Variants in CERT1 observed in about 807,000 individuals in gnomAD.
CERT1 encodes the protein ceramide transfer protein.
A neutral mutation model predicts 87.9 loss-of-function variants in CERT1; 31 were observed. The ratio of observed to expected loss-of-function variants is 0.35; its 90% confidence interval spans 0.27 to 0.48. The LOEUF is 0.48. Among genes scored for constraint, CERT1 ranks in the 20% least tolerant of loss-of-function variants. The pLI is 0.99. For missense variants in CERT1, 487 were observed against 758.0 expected (o/e 0.64, Z 4.20); for synonymous variants, 289 against 250.9 (o/e 1.15, Z -1.44).
intron 2 of CERT1, among the ~76,000 whole-genome samples, chr5:75,478,349 A>G (rs1766070602): frequency 6.6e-6 from 1 of 152,000 alleles, no homozygotes; most frequent in Non-Finnish European, 1.5e-5. Flanking sequence ...GAAAAGAGGA[A>G]AAAACACAAC....
At chr5:75,458,994 T>A (rs1765117312) in intron 3 of CERT1, 71 bp downstream of exon 3, 1 of 750,754 alleles carries the variant, frequency 1.3e-6, no homozygotes, top group African/African-American at 1.8e-5. Flanking sequence ...ACATGTCAAC[T>A]TTTTTTTTAA....
At chr5:75,433,102 T>C (rs1264122451) in intron 3 of CERT1, among the ~76,000 whole-genome samples, 3 of 152,226 alleles carry the variant, frequency 2.0e-5, no homozygotes, top group African/African-American at 7.2e-5. Context: ...ACTGTAGCAT[T>C]GTAATACAGT....
At chr5:75,479,122 T>C (rs1442268084) in intron 2 of CERT1, among the ~76,000 whole-genome samples, 1 of 152,054 alleles carries the variant, frequency 6.6e-6, no homozygotes, top group Non-Finnish European at 1.5e-5. Context: ...AGACTGTGTT[T>C]TGTTGAGTTT....
intron 7 of CERT1, among the ~76,000 whole-genome samples, chr5:75,415,885 C>T (rs537245118): frequency 6.6e-6 from 1 of 152,010 alleles, no homozygotes; most frequent in East Asian, 1.9e-4. Flanking sequence ...ATTTTCTATA[C>T]CTTAAAAGGA....
chr5:75,460,419 G>C (rs768933709), intron 2 of CERT1, among the ~76,000 whole-genome samples: 1 of 152,072 alleles, frequency 6.6e-6, no homozygotes, highest in Non-Finnish European at 1.5e-5. Context: ...AGAAAACTCC[G>C]CATTAAGGTG....
intron 2 of CERT1, among the ~76,000 whole-genome samples, chr5:75,469,907 A>T (rs1173848217): frequency 6.6e-6 from 1 of 152,184 alleles, no homozygotes; most frequent in Non-Finnish European, 1.5e-5. Flanking sequence ...ACCAAAAGAC[A>T]GTAGGAATAG....
chr5:75,474,787 A>G (rs1765883029), intron 2 of CERT1, among the ~76,000 whole-genome samples: 1 of 152,162 alleles, frequency 6.6e-6, no homozygotes. Flanking sequence ...AAACTAGTAG[A>G]AGAAAGCTCC....
At chr5:75,509,561 A>T (rs1273280386) in intron 1 of CERT1, among the ~76,000 whole-genome samples, 1 of 152,118 alleles carries the variant, frequency 6.6e-6, no homozygotes, top group Non-Finnish European at 1.5e-5. Context: ...TTGGTCTTCC[A>T]TTTTTTTATC....
Position 75,511,092 on chromosome 5 carries a change from T to C in CERT1, c.96+20A>G, listed in dbSNP as rs552352191. 13 of 1,528,198 alleles carry C rather than the reference T, an allele frequency of 8.5e-6. No homozygotes were observed. The highest frequency in any genetic ancestry group is 1.1e-5 in the Non-Finnish European group (13 of 1,138,288). The allele number at this position is 1,528,198 out of a possible 1,614,324, so 94.7% of individuals were successfully genotyped here. On this transcript the variant is annotated intron_variant, in intron 1 of 16. Coordinates refer to ENST00000643780, the MANE Select transcript of CERT1 (RefSeq NM_001379029.1). The stretch of plus-strand genomic sequence containing the variant: ...CAGGTGAGTCTGGCCAGGGGTCCCT[T>C]GGCACCAGGGGTTGCTCACCTTACT...
chr5:75,511,881 C>T, upstream of CERT1: 1 of 1,494,944 alleles, frequency 6.7e-7, no homozygotes, highest in South Asian at 1.2e-5. Flanking sequence ...CGCGCAGCCT[C>T]CTGGGAGTTG....
chr5:75,407,022 C>T (rs1762734311), intron 8 of CERT1, among the ~76,000 whole-genome samples: 2 of 151,838 alleles, frequency 1.3e-5, no homozygotes. Context: ...AATATTGTTA[C>T]AAGAAAAGAT....
Position 75,443,791 on chromosome 5 carries a change from A to G in CERT1, c.348+15274T>C, listed in dbSNP as rs1764419907. On this transcript the variant is annotated intron_variant, in intron 3 of 16. Coordinates refer to ENST00000643780, the MANE Select transcript of CERT1 (RefSeq NM_001379029.1). ...GTAGAACTGTCTATTTCTCCTTTCA[A>G]TTCTGTTTTTGTTTCATATTATTTT... Among the ~76,000 whole-genome samples the G allele has an allele frequency of 3.3e-5, 5 of 152,068 alleles. No individual in the cohort carries two copies. In the South Asian group the frequency reaches 1.0e-3, roughly 32 times the overall value.
chr5:75,427,067 C>A (rs962111116), intron 3 of CERT1, among the ~76,000 whole-genome samples: 1 of 152,140 alleles, frequency 6.6e-6, no homozygotes, highest in Non-Finnish European at 1.5e-5. Context: ...TTTGTAACCA[C>A]CTCGACAGTT....
At chr5:75,397,546 G>A (rs1159903543) in intron 11 of CERT1, among the ~76,000 whole-genome samples, 1 of 152,140 alleles carries the variant, frequency 6.6e-6, no homozygotes, top group South Asian at 2.1e-4. Flanking sequence ...TTTATTACTG[G>A]CTTACATTCT....
At chr5:75,448,536 G>C (rs1764646203) in intron 3 of CERT1, among the ~76,000 whole-genome samples, 1 of 152,142 alleles carries the variant, frequency 6.6e-6, no homozygotes, top group Non-Finnish European at 1.5e-5. Flanking sequence ...AAAAAGATTT[G>C]ATGAAAAAGT....
At chr5:75,511,774 G>A (rs754730594), upstream of CERT1, 13 of 1,551,404 alleles carry the variant, frequency 8.4e-6, no homozygotes, top group Non-Finnish European at 1.0e-5. Context: ...GCTCTCCCGG[G>A]TGACGACGGG....
intron 13 of CERT1, 111 bp from the exon 14 acceptor site, chr5:75,384,823 C>G: frequency 1.5e-6 from 1 of 677,308 alleles, no homozygotes; most frequent in Non-Finnish European, 2.6e-6. Context: ...TGAACAGGAT[C>G]CTGCCCTATC....
intron 2 of CERT1, among the ~76,000 whole-genome samples, chr5:75,500,340 A>G (rs542839385): frequency 1.3e-5 from 2 of 152,250 alleles, no homozygotes; most frequent in South Asian, 4.1e-4. Context: ...ATATAATTAA[A>G]ATTATATAAT....
chr5:75,445,441 G>A (rs1023525623), intron 3 of CERT1, among the ~76,000 whole-genome samples: 14 of 152,134 alleles, frequency 9.2e-5, no homozygotes, highest in Admixed American at 7.9e-4. Context: ...TTATTTGGGC[G>A]TGTTTAAATT....
Sources: gnomAD v4.1 joint callset for allele counts (sites outside exome capture counted in the v4.1 genomes callset) on GRCh38, gnomAD v4.1.1 for gene constraint, MANE v1.5 for transcripts, NCBI Gene and HGNC (gene_info 2026-07-23, HGNC 2026-07-21) for gene names.